The following USP47 variants were observed in gnomAD, a reference collection of about 807,000 sequenced individuals.
USP47 encodes ubiquitin specific peptidase 47.
A neutral mutation model predicts 165.1 loss-of-function variants in USP47; 35 were observed. The ratio of observed to expected loss-of-function variants is 0.21; its 90% CI spans 0.16 to 0.28. The LOEUF is 0.28. Among genes scored for constraint, USP47 ranks in the 10% least tolerant of loss-of-function variants. The probability of loss-of-function intolerance (pLI) is 1.00; values close to 1 mark genes in which losing one functional copy is unlikely to be tolerated. For synonymous variants in USP47, 531 were observed against 544.5 expected, an observed-to-expected ratio of 0.98 and a Z score of 0.35; for missense variants, 1,277 against 1,607.4, an observed-to-expected ratio of 0.79 and a Z score of 3.52.
intron 19 of USP47, among the ~76,000 whole-genome samples, chr11:11,940,799 C>T (rs1439745364): frequency 1.3e-5 from 2 of 151,332 alleles, no homozygotes; most frequent in East Asian, 1.9e-4. Flanking sequence ...AGTGTTCTTC[C>T]TCCTCTCCCT....
intron 12 of USP47, 129 bp from the exon 13 acceptor site, chr11:11,929,915 G>T (rs1854527613): frequency 1.3e-6 from 1 of 757,754 alleles, no homozygotes; most frequent in African/African-American, 1.8e-5. Flanking sequence ...TTGTGAATTG[G>T]TAGCTGTGTG....
chr11:11,950,000 G>A lies in USP47; in HGVS notation c.3460G>A (p.Asp1154Asn). 6.2e-7 allele frequency: 1 copy of A among 1,601,732 alleles called. No individual in the cohort carries two copies. Among genetic ancestry groups the A allele is most frequent in the Non-Finnish European group, 8.5e-7 (1 of 1,171,512 alleles). The change falls in exon 23 of 28, where the codon GAC (aspartate) becomes AAC (asparagine). Residue 1154 changes from aspartate to asparagine, a missense_variant. This residue lies in a region of USP47 where 909 missense variants were observed against 1,068.1 expected (regional missense o/e 0.85). Transcript: ENST00000527733. ...REQCGLELSI[D>N]RFRLRKKTWK... ...GCAATGTGGTTTAGAGCTCAGTATT[G>A]ACAGGTAAAGTAAAATTAATGTCAT... is the stretch of plus-strand genomic sequence containing the variant.
intron 1 of USP47, among the ~76,000 whole-genome samples, chr11:11,850,095 T>G (rs574656530): frequency 4.0e-4 from 61 of 152,272 alleles, no homozygotes; most frequent in African/African-American, 1.4e-3. Flanking sequence ...TATGTAGTTA[T>G]ATGTCTGTTT....
Position 11,933,921 on chromosome 11 carries a change from G to A in USP47, c.1855G>A (p.Glu619Lys). ...HKDKTLKEAVEMAYKMMDLEE... is the reference protein window; with the variant it reads ...HKDKTLKEAVKMAYKMMDLEE... ...GGATAAGACATTAAAGGAAGCAGTA[G>A]AAATGGCTTATAAGGTATGTTTAAT... The change falls in exon 16 of 28, where the codon GAA becomes AAA. Residue 619 changes from glutamate (E) to lysine (K), a missense_variant. By Grantham distance (56) the Glu-to-Lys change is moderately conservative. Around this residue, in one of 4 missense-constraint regions of USP47, gnomAD observed 909 missense variants for 1,068.1 expected, o/e 0.85. Transcript: ENST00000527733. The A allele has an allele frequency of 6.2e-7, 1 of 1,605,540 alleles. No individual in the cohort carries two copies. Among genetic ancestry groups the A allele is most frequent in the Non-Finnish European group, 8.5e-7 (1 of 1,173,928 alleles).
intron 10 of USP47, among the ~76,000 whole-genome samples, chr11:11,922,135 A>G (rs1259263147): frequency 6.7e-6 from 1 of 148,854 alleles, no homozygotes; most frequent in Non-Finnish European, 1.5e-5. Context: ...AACAAAGAGA[A>G]TTCTTCAAAT....
intron 2 of USP47, among the ~76,000 whole-genome samples, chr11:11,883,508 C>G (rs1850963004): frequency 6.6e-6 from 1 of 152,134 alleles, no homozygotes; most frequent in South Asian, 2.1e-4. Flanking sequence ...TCCTCAGTAC[C>G]TGCACTTTTA....
chr11:11,954,355 C>T (rs535667386), intron 25 of USP47, among the ~76,000 whole-genome samples: 2 of 152,182 alleles, frequency 1.3e-5, no homozygotes, highest in African/African-American at 2.4e-5. Flanking sequence ...CTGCAGCCTC[C>T]GCCTCCCGGG....
chr11:11,942,195 A>G (rs541842062), intron 19 of USP47, 140 bp from the exon 20 acceptor site: 5 of 1,010,242 alleles, frequency 4.9e-6, no homozygotes, highest in Admixed American at 3.0e-5. Flanking sequence ...CTCCAAAACA[A>G]TAGAGTCCTT....
At chr11:11,899,099 A>G (rs1852028406) in intron 5 of USP47, among the ~76,000 whole-genome samples, 5 of 152,126 alleles carry the variant, frequency 3.3e-5, no homozygotes, top group Admixed American at 2.0e-4. Context: ...GCGGATGCCA[A>G]TAAGCACAGT....
chr11:11,860,477 C>T (rs954126087), intron 1 of USP47, among the ~76,000 whole-genome samples: 15 of 152,084 alleles, frequency 9.9e-5, no homozygotes, highest in African/African-American at 3.6e-4. Context: ...TGTTAAGTAA[C>T]GTTAACGTTT....
rs1455816576 is a variant in USP47, at chr11:11,913,558, A to G, written c.970-6598A>G. 2.6e-5 allele frequency among the ~76,000 whole-genome samples: 4 copies of G among 152,038 alleles called. No individual in the cohort carries two copies. The South Asian group carries it at 8.3e-4, about 32-fold the overall frequency. ...TCATTTACATGTGGGAACTAAAAAT[A>G]AAGCTGATCTCATGAAGGTAGAGAG... On this transcript the variant is annotated intron_variant, in intron 8 of 27. Coordinates refer to ENST00000527733, the MANE Select transcript of USP47 (RefSeq NM_001282659.2).
chr11:11,864,181 TG>T (rs1849540339), intron 1 of USP47, among the ~76,000 whole-genome samples: 2 of 152,082 alleles, frequency 1.3e-5, no homozygotes, highest in Non-Finnish European at 2.9e-5. Flanking sequence ...AAAATTTTTT[TG>T]TATTACAAGA....
intron 8 of USP47, among the ~76,000 whole-genome samples, chr11:11,915,749 A>G (rs1307074655): frequency 6.6e-6 from 1 of 152,182 alleles, no homozygotes; most frequent in Non-Finnish European, 1.5e-5. Flanking sequence ...ATGTTAAAGT[A>G]TATATTCGGG....
At chr11:11,941,074 G>C (rs1257581146) in intron 19 of USP47, among the ~76,000 whole-genome samples, 1 of 151,708 alleles carries the variant, frequency 6.6e-6, no homozygotes, top group Non-Finnish European at 1.5e-5. Flanking sequence ...CTTTTGTCTT[G>C]CTATTATTAT....
chr11:11,930,010 A>T (rs751795310), intron 12 of USP47, 34 bp from the exon 13 acceptor site: 2 of 1,574,104 alleles, frequency 1.3e-6, no homozygotes, highest in Non-Finnish European at 1.7e-6. Flanking sequence ...AGTGTTATAG[A>T]ATTTGCAAAA....
intron 20 of USP47, among the ~76,000 whole-genome samples, chr11:11,946,051 GA>G (rs1855816313): frequency 6.6e-6 from 1 of 152,100 alleles, no homozygotes; most frequent in Non-Finnish European, 1.5e-5. Context: ...TGAAGACATA[GA>G]CTCTTCAGTC....
chr11:11,935,258 A>T (rs1442560768), intron 16 of USP47, among the ~76,000 whole-genome samples: 4 of 152,046 alleles, frequency 2.6e-5, no homozygotes, highest in African/African-American at 9.7e-5. Flanking sequence ...TGCAAAAACC[A>T]TTCTGGTTTT....
At chr11:11,865,868 G>T (rs1412416852) in intron 1 of USP47, among the ~76,000 whole-genome samples, 1 of 151,970 alleles carries the variant, frequency 6.6e-6, no homozygotes, top group East Asian at 1.9e-4. Flanking sequence ...TTTAATCAGG[G>T]TGTTAGGGTT....
At chr11:11,906,579 A>T (rs1161183582) in intron 8 of USP47, among the ~76,000 whole-genome samples, 2 of 152,178 alleles carry the variant, frequency 1.3e-5, no homozygotes, top group Non-Finnish European at 2.9e-5. Context: ...CAAAGCAAGC[A>T]TCTAAGTAAA....
Sources: allele counts gnomAD v4.1 joint callset (sites outside exome capture counted in the v4.1 genomes callset), GRCh38; gene constraint gnomAD v4.1.1; regional missense constraint gnomAD v4.1.1; transcripts MANE v1.5; gene names NCBI Gene and HGNC (gene_info 2026-07-23, HGNC 2026-07-21).